The following STK31 variants were observed in gnomAD, a reference collection of about 807,000 sequenced individuals.
STK31 encodes serine/threonine kinase 31, also known as serine/threonine-protein kinase 31.
A neutral mutation model predicts 129.7 loss-of-function variants in STK31; 89 were observed. The ratio of observed to expected loss-of-function variants is 0.69; its 90% CI spans 0.58 to 0.82. The LOEUF is 0.82. Among genes scored for constraint, STK31 ranks in the 40% least tolerant of loss-of-function variants. The probability of loss-of-function intolerance (pLI) is 0.00; values close to 1 mark genes in which losing one functional copy is unlikely to be tolerated. For missense variants in STK31, 1,187 were observed against 1,176.4 expected (o/e 1.01, Z -0.13); for synonymous variants, 448 against 395.3 (o/e 1.13, Z -1.58).
At chr7:23,761,583 G>A (rs1789466508) in intron 10 of STK31, among the ~76,000 whole-genome samples, 1 of 151,742 alleles carries the variant, frequency 6.6e-6, no homozygotes, top group South Asian at 2.1e-4. Context: ...ACTCTGCCCA[G>A]CTAATTTTTT....
chr7:23,808,943 T>TTATGTGTGTGTGTGTGTGTGTGTGTG (rs71552258), intron 22 of STK31, among the ~76,000 whole-genome samples: 1,077 of 84,478 alleles, frequency 0.013, 24 homozygotes, highest in East Asian at 0.032. Flanking sequence ...CTTGGAGCTT[T>TTATGTGTGTGTGTGTGTGTGTGTGTG]TGTGTGTGTG....
At chr7:23,714,205 G>T (rs927744966) in intron 3 of STK31, among the ~76,000 whole-genome samples, 2 of 152,268 alleles carry the variant, frequency 1.3e-5, no homozygotes, top group East Asian at 3.9e-4. Context: ...GGGCAAATTC[G>T]TGTGTCTGCT....
intron 21 of STK31, among the ~76,000 whole-genome samples, chr7:23,790,529 T>C (rs983770714): frequency 6.6e-6 from 1 of 152,154 alleles, no homozygotes; most frequent in East Asian, 1.9e-4. Context: ...CTGCTCACTC[T>C]TGTGAAATTT....
chr7:23,730,859 TA>T lies in STK31; in HGVS notation c.483+1611del, dbSNP rs1562555002. Among the ~76,000 whole-genome samples the T allele has an allele frequency of 5.6e-3, 311 of 55,254 alleles. 2 individuals are homozygous for T. Among genetic ancestry groups the T allele is most frequent in the African/African-American group, 0.017 (290 of 16,608 alleles). The allele number at this position is 55,254 out of a possible 152,430, so 36.2% of individuals were successfully genotyped here. A position where few individuals can be genotyped will look rare whatever the true frequency, so the allele number is the denominator to read the frequency against. ...ATATGGTACTGTATATAAACATTTA[TA>T]TATATATATATATATATATTTTTTT... On this transcript the variant is annotated intron_variant, in intron 6 of 23. Coordinates refer to ENST00000355870, the MANE Select transcript of STK31 (RefSeq NM_031414.5).
At chr7:23,757,371 C>CT (rs1209821770) in intron 10 of STK31, among the ~76,000 whole-genome samples, 1 of 152,144 alleles carries the variant, frequency 6.6e-6, no homozygotes, top group East Asian at 1.9e-4. Flanking sequence ...GCAAAGGTCT[C>CT]TGAGTTCCCT....
intron 6 of STK31, among the ~76,000 whole-genome samples, chr7:23,731,235 T>TA (rs1212940616): frequency 6.6e-6 from 1 of 152,056 alleles, no homozygotes; most frequent in Admixed American, 6.6e-5. Flanking sequence ...AGAGTTAAGC[T>TA]AATTGGCACA....
intron 22 of STK31, among the ~76,000 whole-genome samples, chr7:23,794,840 A>G (rs1034808848): frequency 6.6e-6 from 1 of 152,176 alleles, no homozygotes; most frequent in African/African-American, 2.4e-5. Context: ...TGGTGGAAGA[A>G]ATTTCTAAGC....
chr7:23,801,101 A>G (rs1408878619), intron 22 of STK31, among the ~76,000 whole-genome samples: 1 of 152,136 alleles, frequency 6.6e-6, no homozygotes, highest in Non-Finnish European at 1.5e-5. Flanking sequence ...TCAGATTGTA[A>G]TCGTATGTAT....
At chr7:23,828,892 C>CT (rs937647270) in intron 23 of STK31, among the ~76,000 whole-genome samples, 7 of 150,820 alleles carry the variant, frequency 4.6e-5, no homozygotes, top group Admixed American at 3.3e-4. Context: ...CTTTTTCTTT[C>CT]TTTTTTTTTG....
chr7:23,823,516 G>A (rs1389413416), intron 23 of STK31, among the ~76,000 whole-genome samples: 9 of 152,056 alleles, frequency 5.9e-5, no homozygotes, highest in Admixed American at 6.6e-5. Context: ...CAGATGAGTA[G>A]GTTGCAAAAA....
At chr7:23,776,910 T>C (rs1790587766) in intron 15 of STK31, among the ~76,000 whole-genome samples, 1 of 152,212 alleles carries the variant, frequency 6.6e-6, no homozygotes, top group African/African-American at 2.4e-5. Flanking sequence ...CTAATTGTGA[T>C]GTTAGGGTGT....
At chr7:23,711,168 G>A (rs1029342745) in intron 1 of STK31, among the ~76,000 whole-genome samples, 6 of 152,136 alleles carry the variant, frequency 3.9e-5, no homozygotes, top group Admixed American at 2.0e-4. Context: ...AAAAATTGCG[G>A]TGGCTTAGGC....
At chr7:23,727,142 C>A in intron 4 of STK31, 99 bp from the exon 5 acceptor site, 1 of 897,192 alleles carries the variant, frequency 1.1e-6, no homozygotes, top group Non-Finnish European at 1.8e-6. Context: ...ATATAAAGTA[C>A]TTATTGACAT....
chr7:23,773,833 G>T (rs2128105222), intron 15 of STK31, among the ~76,000 whole-genome samples: 1 of 151,856 alleles, frequency 6.6e-6, no homozygotes, highest in African/African-American at 2.4e-5. Flanking sequence ...CAACGTGCAG[G>T]TTTATTACAT....
chr7:23,777,732 T>C (rs781358870), intron 15 of STK31, among the ~76,000 whole-genome samples: 5 of 152,128 alleles, frequency 3.3e-5, no homozygotes, highest in Admixed American at 6.5e-5. Flanking sequence ...GGTGTGTCTT[T>C]GCACGTCAGA....
chr7:23,815,395 C>A (rs537024433), intron 23 of STK31, among the ~76,000 whole-genome samples, 183 bp downstream of exon 23: 9 of 152,208 alleles, frequency 5.9e-5, no homozygotes, highest in Admixed American at 2.6e-4. Flanking sequence ...CAGGGTTACT[C>A]TGCTGGGTTG....
intron 17 of STK31, 58 bp downstream of exon 17, chr7:23,783,721 T>C: frequency 1.5e-6 from 2 of 1,365,576 alleles, no homozygotes; most frequent in Non-Finnish European, 2.0e-6. Context: ...AAAGTGATAA[T>C]ATTAAATTTG....
intron 8 of STK31, among the ~76,000 whole-genome samples, chr7:23,740,829 C>T (rs1310735383): frequency 1.3e-5 from 2 of 151,890 alleles, no homozygotes; most frequent in East Asian, 1.9e-4. Flanking sequence ...ATTAACTCAT[C>T]ATTTTTTTTG....
chr7:23,807,624 G>A (rs10247028), intron 22 of STK31, among the ~76,000 whole-genome samples: 70,732 of 151,778 alleles, frequency 0.47, 16,940 homozygotes, highest in Admixed American at 0.55. Flanking sequence ...TTACTCAAAT[G>A]CATTTTAGCC....
Sources: gnomAD v4.1 joint callset for allele counts (sites outside exome capture counted in the v4.1 genomes callset) on GRCh38, gnomAD v4.1.1 for gene constraint, MANE v1.5 for transcripts, NCBI Gene and HGNC (gene_info 2026-07-23, HGNC 2026-07-21) for gene names.